ADORA2B: variants seen among roughly 807,000 people sequenced by gnomAD.
ADORA2B encodes the protein adenosine receptor A2b.
ADORA2B carries 18 observed loss-of-function variants against 20.8 expected under a neutral mutation model. The ratio of observed to expected loss-of-function variants is 0.87; its 90% confidence interval spans 0.60 to 1.29. The LOEUF (loss-of-function observed/expected upper bound fraction) is 1.29. ADORA2B is among the 50% of genes most tolerant of loss of function. ADORA2B has a pLI of 0.00. For synonymous variants in ADORA2B, 179 were observed against 178.3 expected (o/e 1.00, Z -0.03); for missense variants, 441 against 422.7 (o/e 1.04, Z -0.38).
the ADORA2B span, among the ~76,000 whole-genome samples, chr17:15,902,092 A>C: frequency 1.4e-3 from 213 of 150,558 alleles, no homozygotes; most frequent in African/African-American, 5.1e-3. Flanking sequence ...GAATCTGACT[A>C]CTCTAGTACC....
At chr17:15,878,002 GA>G in the ADORA2B span, among the ~76,000 whole-genome samples, 3 of 151,822 alleles carry the variant, frequency 2.0e-5, no homozygotes, top group African/African-American at 7.3e-5. Flanking sequence ...GCTTTTGGGG[GA>G]AAAAAAGAAA....
chr17:15,892,212 A>G, the ADORA2B span, among the ~76,000 whole-genome samples: 1 of 151,860 alleles, frequency 6.6e-6, no homozygotes, highest in East Asian at 2.0e-4. Flanking sequence ...CTTGTCGCCC[A>G]GGCTGGAGTG....
intron 1 of ADORA2B, among the ~76,000 whole-genome samples, chr17:15,951,426 C>T (rs1427040040): frequency 2.0e-5 from 3 of 152,216 alleles, no homozygotes; most frequent in Non-Finnish European, 4.4e-5. Context: ...CAGGGCATCA[C>T]CCAAGCCTGA....
chr17:15,962,688 A>G (rs571079033), intron 1 of ADORA2B, among the ~76,000 whole-genome samples: 6 of 152,036 alleles, frequency 3.9e-5, no homozygotes, highest in African/African-American at 1.4e-4. Flanking sequence ...CCTTGCCACC[A>G]CGCATTTTTA....
chr17:15,972,246 C>T (rs1048835610), intron 1 of ADORA2B, among the ~76,000 whole-genome samples: 1 of 152,108 alleles, frequency 6.6e-6, no homozygotes, highest in African/African-American at 2.4e-5. Flanking sequence ...CGTGTGGAGC[C>T]GAGGCTGGGG....
chr17:15,896,873 A>T, the ADORA2B span, among the ~76,000 whole-genome samples: 1 of 152,160 alleles, frequency 6.6e-6, no homozygotes, highest in South Asian at 2.1e-4. Flanking sequence ...CCTCTGGCTC[A>T]TTGGCAGTAC....
In ADORA2B at chr17:15,945,401, G is replaced by A; in HGVS notation, c.153G>A (p.Ala51=). 3 of 1,613,434 alleles carry A rather than the reference G, an allele frequency of 1.9e-6. No homozygotes were observed. Among genetic ancestry groups the A allele is most frequent in the Non-Finnish European group, 2.5e-6 (3 of 1,179,972 alleles). Residue 51 remains alanine (A), a synonymous_variant, in exon 1 of 2, where the codon GCG becomes GCA. Coordinates refer to ENST00000304222, the MANE Select transcript of ADORA2B (RefSeq NM_000676.4). ...ACTACTTCCTGGTGTCCCTGGCTGC[G>A]GCCGACGTGGCCGTGGGGCTCTTCG... ...PTNYFLVSLA[A]ADVAVGLFAI...
Position 15,945,445 on chromosome 17 carries a change from CCATCAGCCTGGGCTTCTG to C in ADORA2B, c.200_217del (p.Ile67_Cys72del). On this transcript the variant is annotated inframe_deletion, in exon 1 of 2. Coordinates refer to ENST00000304222, the MANE Select transcript of ADORA2B (RefSeq NM_000676.4). Reference sequence around the variant, plus strand: ...CTCTTCGCCATCCCCTTTGCCATCACCATCAGCCTGGGCTTCTGCACTGACTTCTACGGCTGCCTCTTC... The same window carrying C: ...CTCTTCGCCATCCCCTTTGCCATCACCACTGACTTCTACGGCTGCCTCTTC... 6.2e-7 allele frequency: 1 copy of C among 1,613,748 alleles called. No homozygotes were observed. Among genetic ancestry groups the C allele is most frequent in the Non-Finnish European group, 8.5e-7 (1 of 1,179,982 alleles).
chr17:15,872,189 T>C, the ADORA2B span, among the ~76,000 whole-genome samples: 26 of 152,194 alleles, frequency 1.7e-4, no homozygotes, highest in Admixed American at 1.7e-3. Flanking sequence ...GAAAATGTTC[T>C]GGACTAGTGA....
chr17:15,939,122 C>T, the ADORA2B span, among the ~76,000 whole-genome samples: 1 of 152,140 alleles, frequency 6.6e-6, no homozygotes, highest in Non-Finnish European at 1.5e-5. Flanking sequence ...TTCACTGCAA[C>T]CTCCAGCTCC....
the ADORA2B span, among the ~76,000 whole-genome samples, chr17:15,905,348 C>T: frequency 6.6e-6 from 1 of 151,812 alleles, no homozygotes; most frequent in Non-Finnish European, 1.5e-5. Flanking sequence ...TTGTTCATTT[C>T]TGGCATATAG....
the ADORA2B span, among the ~76,000 whole-genome samples, chr17:15,934,847 C>T: frequency 0.015 from 2,209 of 152,228 alleles, 100 homozygotes; most frequent in Admixed American, 0.1. Context: ...CGCCCTGTTG[C>T]CCAAAGTGGA....
At chr17:15,862,179 C>CT in the ADORA2B span, among the ~76,000 whole-genome samples, 55 of 143,216 alleles carry the variant, frequency 3.8e-4, no homozygotes, top group South Asian at 6.8e-4. Context: ...TCCCTTCTCC[C>CT]TTTTTTTTTT....
chr17:15,879,471 AG>A, the ADORA2B span, among the ~76,000 whole-genome samples: 1,436 of 151,918 alleles, frequency 9.5e-3, 24 homozygotes, highest in African/African-American at 0.033. Flanking sequence ...AAAAAAAAAA[AG>A]TAATATTTAT....
chr17:15,908,009 T>C, the ADORA2B span, among the ~76,000 whole-genome samples: 7 of 152,314 alleles, frequency 4.6e-5, no homozygotes, highest in Non-Finnish European at 1.0e-4. Flanking sequence ...GCTGGGAGCC[T>C]GGGGAATTAG....
the ADORA2B span, among the ~76,000 whole-genome samples, chr17:15,882,837 G>A: frequency 7.9e-5 from 12 of 152,280 alleles, no homozygotes; most frequent in African/African-American, 2.6e-4. Flanking sequence ...TTTGTCTCAG[G>A]TTTGACTCAG....
At chr17:15,929,566 C>G in the ADORA2B span, among the ~76,000 whole-genome samples, 1 of 152,192 alleles carries the variant, frequency 6.6e-6, no homozygotes, top group Admixed American at 6.5e-5. Flanking sequence ...GCTGCCCACC[C>G]GCATTCACAG....
At chr17:15,956,590 C>CTTTTTTTTTTTTTTTTTTTTTTTTTTTTT (rs11290214) in intron 1 of ADORA2B, among the ~76,000 whole-genome samples, 1 of 51,420 alleles carries the variant, frequency 1.9e-5, no homozygotes, top group Non-Finnish European at 3.7e-5. Flanking sequence ...TTATGTGTGT[C>CTTTTTTTTTTTTTTTTTTTTTTTTTTTTT]TTTTTTTTTT....
At chr17:15,901,764 C>G in the ADORA2B span, among the ~76,000 whole-genome samples, 1 of 152,198 alleles carries the variant, frequency 6.6e-6, no homozygotes, top group Non-Finnish European at 1.5e-5. Flanking sequence ...TAATCGAGCA[C>G]ATGCCCTATT....
Sources: gnomAD v4.1 joint callset for allele counts (sites outside exome capture counted in the v4.1 genomes callset) on GRCh38, gnomAD v4.1.1 for gene constraint, MANE v1.5 for transcripts, NCBI Gene and HGNC (gene_info 2026-07-23, HGNC 2026-07-21) for gene names.